The following PBX3 variants were observed in gnomAD, a reference collection of about 807,000 sequenced individuals.
PBX3 encodes the protein pre-B-cell leukemia transcription factor 3.
Under a neutral mutation model 48.5 loss-of-function variants are expected in PBX3, and 14 were observed. The observed-to-expected ratio is 0.29, with a 90% CI of 0.19 to 0.45. The LOEUF (loss-of-function observed/expected upper bound fraction) is 0.45, where lower values mean the gene tolerates loss of function less well. Ranked by LOEUF, PBX3 falls within the 20% of genes least tolerant of loss-of-function variation. The pLI, the probability that PBX3 is intolerant of heterozygous loss-of-function variation, is 1.00. For missense variants in PBX3, 386 were observed against 546.7 expected (o/e 0.71, Z 2.93); for synonymous variants, 210 against 200.3 (o/e 1.05, Z -0.41).
At chr9:125,825,477 T>C (rs1352375874) in intron 2 of PBX3, among the ~76,000 whole-genome samples, 2 of 151,314 alleles carry the variant, frequency 1.3e-5, no homozygotes, top group Non-Finnish European at 2.9e-5. Flanking sequence ...ATGATTGATA[T>C]TGTTTTACTT....
At position 125,854,463 on chromosome 9, in the gene PBX3, T is replaced by C. The variant is rs138039386; in HGVS notation, c.275-61223T>C. Among the ~76,000 whole-genome samples, 1,388 of 152,246 alleles carry C rather than the reference T, an allele frequency of 9.1e-3. 29 individuals carry two copies. Among genetic ancestry groups the C allele is most frequent in the African/African-American group, 0.031 (1,302 of 41,550 alleles). On this transcript the variant is annotated intron_variant, in intron 2 of 8. Transcript: ENST00000373489. ...AATTTATTTTTAATATTAAAAAATT[T>C]AATCTATTGGACACCCCCTGCTTCC...
At chr9:125,924,447 A>G (rs1027570442) in intron 3 of PBX3, among the ~76,000 whole-genome samples, 1 of 152,166 alleles carries the variant, frequency 6.6e-6, no homozygotes, top group East Asian at 1.9e-4. Flanking sequence ...TGTGAATACT[A>G]TTTTTTGATA....
chr9:125,863,742 C>T (rs1839917686), intron 2 of PBX3, among the ~76,000 whole-genome samples: 1 of 152,158 alleles, frequency 6.6e-6, no homozygotes, highest in Non-Finnish European at 1.5e-5. Flanking sequence ...GATGTTTCTT[C>T]ATCACTCTTT....
intron 2 of PBX3, among the ~76,000 whole-genome samples, chr9:125,755,672 GTTTTTTT>G (rs11310993): frequency 1.1e-5 from 1 of 95,232 alleles, no homozygotes; most frequent in Admixed American, 1.1e-4. Context: ...GAGGAGCTTT[GTTTTTTT>G]TTTTTTTTTT....
At position 125,949,567 on chromosome 9, in the gene PBX3, G is replaced by T. The variant is rs1842144585; in HGVS notation, c.844-11117G>T. The T allele has an allele frequency of 1.8e-5, 23 of 1,296,820 alleles. 2 individuals carry two copies. The South Asian group carries it at 4.4e-4, about 25-fold the overall frequency. 80.3% of individuals were successfully genotyped at this position (1,296,820 alleles called of 1,614,324 possible). The stretch of plus-strand genomic sequence containing the variant: ...AGTATTCTTTACTCCAAAAATGCAT[G>T]AGATTCATTTTTGATGAGAATTAAT... On this transcript the variant is annotated intron_variant, in intron 5 of 8. Transcript: ENST00000373489.
intron 3 of PBX3, among the ~76,000 whole-genome samples, chr9:125,919,217 C>CTT (rs929986536): frequency 6.9e-6 from 1 of 143,908 alleles, no homozygotes; most frequent in Admixed American, 7.0e-5. Context: ...AACTTTTTAA[C>CTT]TTTTTTTTTT....
intron 2 of PBX3, among the ~76,000 whole-genome samples, chr9:125,793,655 C>T (rs1373647306): frequency 6.6e-6 from 1 of 151,760 alleles, no homozygotes; most frequent in Non-Finnish European, 1.5e-5. Context: ...GTCTTGAATT[C>T]CTGACCTCAG....
chr9:125,955,332 C>G (rs1261026528), intron 5 of PBX3, among the ~76,000 whole-genome samples: 2 of 152,188 alleles, frequency 1.3e-5, no homozygotes, highest in African/African-American at 4.8e-5. Context: ...TGCTCCTGCT[C>G]CTCCCCAGGT....
chr9:125,854,206 A>T (rs1302905958), intron 2 of PBX3, among the ~76,000 whole-genome samples: 2 of 152,052 alleles, frequency 1.3e-5, no homozygotes, highest in African/African-American at 4.8e-5. Context: ...ATCTTGGCTC[A>T]CTGCACCCCC....
At chr9:125,816,172 G>GT (rs1408788395) in intron 2 of PBX3, among the ~76,000 whole-genome samples, 1 of 151,886 alleles carries the variant, frequency 6.6e-6, no homozygotes, top group Non-Finnish European at 1.5e-5. Context: ...TTTGTTTTTT[G>GT]TTTTTTGTAG....
At chr9:125,944,105 C>A (rs1842019004) in intron 5 of PBX3, among the ~76,000 whole-genome samples, 1 of 152,178 alleles carries the variant, frequency 6.6e-6, no homozygotes, top group South Asian at 2.1e-4. Context: ...GGTGAAGATA[C>A]CTGGTCAGAA....
Position 125,910,475 on chromosome 9 carries a change from C to A in PBX3, c.275-5211C>A, listed in dbSNP as rs1040003717. Reference sequence around the variant, plus strand: ...GATTTATGTCCATTTAACTGAAAAGCCTTGTAAATTCCCAGTGCTGCATTT... The same window carrying A: ...GATTTATGTCCATTTAACTGAAAAGACTTGTAAATTCCCAGTGCTGCATTT... On this transcript the variant is annotated intron_variant, in intron 2 of 8. Coordinates refer to ENST00000373489, the MANE Select transcript of PBX3 (RefSeq NM_006195.6). 2.6e-5 allele frequency among the ~76,000 whole-genome samples: 4 copies of A among 151,848 alleles called. No homozygotes were observed. In the South Asian group the frequency reaches 8.3e-4, roughly 32 times the overall value.
At chr9:125,779,549 C>T (rs1326297361) in intron 2 of PBX3, among the ~76,000 whole-genome samples, 1 of 98,260 alleles carries the variant, frequency 1.0e-5, no homozygotes. Context: ...GGACACAGCA[C>T]ATGTTTCAGA....
intron 5 of PBX3, among the ~76,000 whole-genome samples, chr9:125,940,414 T>C (rs1841935309): frequency 1.3e-5 from 2 of 152,206 alleles, no homozygotes. Flanking sequence ...TAATAAACAT[T>C]TATTGAATAA....
intron 2 of PBX3, among the ~76,000 whole-genome samples, chr9:125,807,719 A>G (rs1371370870): frequency 6.6e-6 from 1 of 152,208 alleles, no homozygotes; most frequent in African/African-American, 2.4e-5. Flanking sequence ...TTGTAGGTAC[A>G]TGATAGTTCA....
intron 2 of PBX3, among the ~76,000 whole-genome samples, chr9:125,810,180 C>T (rs1838245667): frequency 6.6e-6 from 1 of 152,272 alleles, no homozygotes. Context: ...TCACCCCTCC[C>T]TACTCTTTTA....
intron 2 of PBX3, among the ~76,000 whole-genome samples, chr9:125,869,421 G>A (rs977980480): frequency 1.3e-5 from 2 of 152,132 alleles, no homozygotes; most frequent in Non-Finnish European, 2.9e-5. Flanking sequence ...TAGGTAGCTC[G>A]GTGAATTCTA....
chr9:125,854,091 A>G (rs1441376794), intron 2 of PBX3, among the ~76,000 whole-genome samples: 1 of 152,060 alleles, frequency 6.6e-6, no homozygotes, highest in African/African-American at 2.4e-5. Flanking sequence ...CTTTGCACCA[A>G]TATAGACCTG....
intron 2 of PBX3, among the ~76,000 whole-genome samples, chr9:125,750,506 C>T (rs1412801036): frequency 6.6e-6 from 1 of 152,112 alleles, no homozygotes; most frequent in African/African-American, 2.4e-5. Context: ...AACCACATGT[C>T]AAAGGTGAGT....
Sources: allele counts gnomAD v4.1 joint callset (sites outside exome capture counted in the v4.1 genomes callset), GRCh38; gene constraint gnomAD v4.1.1; transcripts MANE v1.5; gene names NCBI Gene and HGNC (gene_info 2026-07-23, HGNC 2026-07-21).